The following DLG1 variants were observed in gnomAD, a reference collection of about 807,000 sequenced individuals.
DLG1 encodes discs large MAGUK scaffold protein 1.
A neutral mutation model predicts 123.4 loss-of-function variants in DLG1; 42 were observed. The observed-to-expected ratio is 0.34, with a 90% CI of 0.27 to 0.44. The LOEUF is 0.44. DLG1 is among the 20% of genes least tolerant of loss of function. DLG1 has a pLI of 1.00. For missense variants in DLG1, 942 were observed against 1,082.6 expected (o/e 0.87, Z 1.82); for synonymous variants, 317 against 356.2 (o/e 0.89, Z 1.24).
intron 3 of DLG1, among the ~76,000 whole-genome samples, chr3:197,290,570 C>T (rs1018745899): frequency 1.3e-5 from 2 of 152,016 alleles, no homozygotes. Context: ...AATCTAATCA[C>T]AAGGAAACAT....
chr3:197,068,393 AT>A, intron 19 of DLG1: 2 of 749,152 alleles, frequency 2.7e-6, no homozygotes. Context: ...CAAAAAAAAA[AT>A]CATTAAGTAA....
intron 4 of DLG1, among the ~76,000 whole-genome samples, chr3:197,231,094 C>T (rs1396024042): frequency 6.6e-6 from 1 of 152,108 alleles, no homozygotes; most frequent in Admixed American, 6.5e-5. Context: ...AACAGAAGCG[C>T]CTAACAGTTC....
chr3:197,264,895 C>T (rs1205092380), intron 4 of DLG1, among the ~76,000 whole-genome samples: 3 of 152,216 alleles, frequency 2.0e-5, no homozygotes, highest in Non-Finnish European at 4.4e-5. Context: ...CCACTTTCCC[C>T]TGTACTGTAG....
In DLG1 at chr3:197,076,703, G is replaced by A; in HGVS notation, c.1906-18C>T. On this transcript the variant is annotated intron_variant, in intron 17 of 24. Transcript: ENST00000667157. ...AATGACTGCTGAAGAAGAGAAGGAG[G>A]GGCAAAACAAAGGGATGTCTACTGT... 6.3e-7 allele frequency: 1 copy of A among 1,595,570 alleles called. No individual in the cohort carries two copies. Among genetic ancestry groups the A allele is most frequent in the East Asian group, 2.2e-5 (1 of 44,542 alleles).
At chr3:197,104,846 G>A in intron 14 of DLG1, 57 bp downstream of exon 14, 2 of 1,197,046 alleles carry the variant, frequency 1.7e-6, no homozygotes, top group African/African-American at 1.5e-5. Flanking sequence ...ATATTAAAGA[G>A]GAAGAATTTT....
chr3:197,160,791 G>A (rs1798486632), intron 5 of DLG1, among the ~76,000 whole-genome samples: 2 of 151,888 alleles, frequency 1.3e-5, no homozygotes, highest in Non-Finnish European at 2.9e-5. Flanking sequence ...TTTTGAAACT[G>A]TTTACACAGC....
intron 5 of DLG1, 161 bp downstream of exon 5, chr3:197,194,264 G>C (rs1174622441): frequency 1.3e-5 from 5 of 389,642 alleles, no homozygotes; most frequent in African/African-American, 1.1e-4. Flanking sequence ...GTTTTCTGGA[G>C]TACTAATAAG....
intron 19 of DLG1, among the ~76,000 whole-genome samples, chr3:197,067,448 T>G (rs1204378543): frequency 2.0e-5 from 3 of 151,746 alleles, no homozygotes; most frequent in Non-Finnish European, 2.9e-5. Context: ...AAGGTTAAAT[T>G]AAAGGTTCGG....
chr3:197,271,061 A>G (rs114798626), intron 4 of DLG1, among the ~76,000 whole-genome samples: 2,278 of 152,284 alleles, frequency 0.015, 61 homozygotes, highest in African/African-American at 0.052. Context: ...GACTAGAGAC[A>G]CTGTACCAGA....
chr3:197,058,317 T>A (rs1733303612), intron 23 of DLG1, among the ~76,000 whole-genome samples: 1 of 152,164 alleles, frequency 6.6e-6, no homozygotes, highest in African/African-American at 2.4e-5. Context: ...ATTTTCAACT[T>A]TCCTAATATT....
chr3:197,085,532 T>A (rs1008777630), intron 16 of DLG1, 48 bp downstream of exon 16: 1 of 1,588,446 alleles, frequency 6.3e-7, no homozygotes, highest in Non-Finnish European at 8.6e-7. Flanking sequence ...TAAAAGAACA[T>A]CAATTATTTA....
intron 3 of DLG1, among the ~76,000 whole-genome samples, chr3:197,289,828 TAAAG>T (rs952881196): frequency 2.0e-4 from 31 of 152,282 alleles, no homozygotes; most frequent in Middle Eastern, 3.4e-3. Context: ...TTTCACACAC[TAAAG>T]AAAGGAAAGA....
At chr3:197,086,124 T>C (rs898394428) in intron 15 of DLG1, among the ~76,000 whole-genome samples, 3 of 152,108 alleles carry the variant, frequency 2.0e-5, no homozygotes, top group African/African-American at 4.8e-5. Context: ...TAGATACATG[T>C]AGGAAAACAA....
chr3:197,252,410 G>A (rs1411487837), intron 4 of DLG1, among the ~76,000 whole-genome samples: 1 of 152,164 alleles, frequency 6.6e-6, no homozygotes, highest in Non-Finnish European at 1.5e-5. Context: ...CTTTAAAAGG[G>A]TAGGAAATTT....
At chr3:197,123,289 T>C (rs555780360) in intron 11 of DLG1, among the ~76,000 whole-genome samples, 1 of 152,100 alleles carries the variant, frequency 6.6e-6, no homozygotes, top group Non-Finnish European at 1.5e-5. Context: ...AATTAAAAAA[T>C]TTTATCCATC....
intron 7 of DLG1, among the ~76,000 whole-genome samples, chr3:197,142,265 C>T (rs1039546179): frequency 6.6e-6 from 1 of 152,080 alleles, no homozygotes; most frequent in Non-Finnish European, 1.5e-5. Flanking sequence ...GAAACTATCA[C>T]AATCTAGAGG....
chr3:197,070,254 T>A (rs79839157), intron 18 of DLG1: 17 of 150,810 alleles, frequency 1.1e-4, no homozygotes, highest in East Asian at 7.7e-4. Context: ...TTTTTTTTTT[T>A]AATTAAAGGG....
chr3:197,236,921 T>G (rs1022182045), intron 4 of DLG1, among the ~76,000 whole-genome samples: 32 of 152,188 alleles, frequency 2.1e-4, no homozygotes, highest in Non-Finnish European at 7.3e-5. Flanking sequence ...TACCAAACTA[T>G]GAATTAGGAA....
upstream of DLG1, chr3:197,298,629 A>C (rs1164361532): frequency 1.5e-5 from 6 of 398,184 alleles, no homozygotes; most frequent in East Asian, 2.1e-4. Flanking sequence ...CCACCGGGGA[A>C]AAGCCGCCTT....
Sources: allele counts gnomAD v4.1 joint callset (sites outside exome capture counted in the v4.1 genomes callset), GRCh38; gene constraint gnomAD v4.1.1; transcripts MANE v1.5; gene names NCBI Gene and HGNC (gene_info 2026-07-23, HGNC 2026-07-21).